Variants in ATP8A2 observed in about 807,000 individuals in gnomAD.
ATP8A2 encodes the protein ATPase phospholipid transporting 8A2, also known as phospholipid-transporting ATPase IB.
Under a neutral mutation model 165.6 loss-of-function variants are expected in ATP8A2, and 100 were observed. The ratio of observed to expected loss-of-function variants is 0.60; its 90% CI spans 0.51 to 0.71. ATP8A2 has a LOEUF of 0.71. Among genes scored for constraint, ATP8A2 ranks in the 30% least tolerant of loss-of-function variants. The pLI is 0.00. For synonymous variants in ATP8A2, 543 were observed against 548.8 expected, an observed-to-expected ratio of 0.99 and a Z score of 0.15; for missense variants, 1,227 against 1,479.5, an observed-to-expected ratio of 0.83 and a Z score of 2.80.
chr13:25,814,092 CAT>C (rs1950947041), intron 27 of ATP8A2, among the ~76,000 whole-genome samples: 1 of 74,840 alleles, frequency 1.3e-5, no homozygotes, highest in Non-Finnish European at 2.5e-5. Context: ...TGTGCTCACA[CAT>C]ACAGACACAC....
intron 35 of ATP8A2, among the ~76,000 whole-genome samples, chr13:25,979,008 A>G (rs1956123026): frequency 6.6e-6 from 1 of 151,130 alleles, no homozygotes; most frequent in East Asian, 2.0e-4. Flanking sequence ...TTTGCACACT[A>G]CAGCACAGAG....
intron 25 of ATP8A2, among the ~76,000 whole-genome samples, chr13:25,741,542 C>A (rs1193439537): frequency 6.6e-6 from 1 of 151,796 alleles, no homozygotes; most frequent in East Asian, 1.9e-4. Flanking sequence ...CCACCACACC[C>A]AGCTAATTTT....
At chr13:25,578,295 C>G (rs2039674154) in intron 20 of ATP8A2, among the ~76,000 whole-genome samples, 2 of 152,166 alleles carry the variant, frequency 1.3e-5, no homozygotes, top group South Asian at 4.1e-4. Context: ...GGGATCTGGT[C>G]CCCCAACCCT....
intron 4 of ATP8A2, among the ~76,000 whole-genome samples, chr13:25,532,046 T>C (rs544838409): frequency 6.6e-6 from 1 of 152,332 alleles, no homozygotes; most frequent in Admixed American, 6.5e-5. Context: ...AGTTTTGTAC[T>C]TCCAAGTGCT....
Position 25,853,394 on chromosome 13 carries a change from A to ATATATAT in ATP8A2, c.2957-6801_2957-6800insTATATAT, listed in dbSNP as rs1555278528. On this transcript the variant is annotated intron_variant, in intron 30 of 36. Coordinates refer to ENST00000381655, the MANE Select transcript of ATP8A2 (RefSeq NM_016529.6). ...TGACAGAGCAAGACTCTATCTAAAA[A>ATATATAT]AAATATATATATATATGTATATATA... Among the ~76,000 whole-genome samples the ATATATAT allele has an allele frequency of 8.4e-3, 97 of 11,612 alleles. 1 individual carries two copies. Among genetic ancestry groups the ATATATAT allele is most frequent in the African/African-American group, 0.011 (75 of 7,116 alleles). 7.6% of individuals were successfully genotyped at this position (11,612 alleles called of 152,430 possible).
intron 2 of ATP8A2, among the ~76,000 whole-genome samples, chr13:25,519,079 C>T (rs1355284947): frequency 6.6e-6 from 1 of 151,888 alleles, no homozygotes; most frequent in African/African-American, 2.4e-5. Context: ...AAATTGGGCT[C>T]TTTACTCTCC....
At chr13:25,418,481 T>A (rs917339401) in intron 1 of ATP8A2, among the ~76,000 whole-genome samples, 49 of 151,988 alleles carry the variant, frequency 3.2e-4, no homozygotes, top group African/African-American at 8.2e-4. Flanking sequence ...TATTTTTTTT[T>A]CCAAAAAGTT....
chr13:25,560,146 A>G (rs1278563645), intron 15 of ATP8A2, among the ~76,000 whole-genome samples: 3 of 152,084 alleles, frequency 2.0e-5, no homozygotes, highest in Non-Finnish European at 2.9e-5. Flanking sequence ...TTTTATTAGC[A>G]TTTCTCACCT....
chr13:25,863,300 C>G (rs1952408613), intron 33 of ATP8A2: 1 of 152,628 alleles, frequency 6.6e-6, no homozygotes, highest in African/African-American at 2.4e-5. Flanking sequence ...GTAATCTATT[C>G]TCTGGGCTCC....
intron 24 of ATP8A2, among the ~76,000 whole-genome samples, chr13:25,671,797 C>T (rs1256595395): frequency 6.6e-6 from 1 of 152,188 alleles, no homozygotes; most frequent in Non-Finnish European, 1.5e-5. Context: ...GCCCTGCCTC[C>T]ACTTGCCTTG....
At position 25,513,415 on chromosome 13, in the gene ATP8A2, G is replaced by A. The variant is rs543574252; in HGVS notation, c.222-16584G>A. Among the ~76,000 whole-genome samples the A allele has an allele frequency of 5.0e-3, 700 of 140,922 alleles. 2 individuals carry two copies. Among genetic ancestry groups the A allele is most frequent in the African/African-American group, 0.01 (400 of 39,722 alleles). The allele number at this position is 140,922 out of a possible 152,430, so 92.5% of individuals were successfully genotyped here. On this transcript the variant is annotated intron_variant, in intron 2 of 36. Coordinates refer to ENST00000381655, the MANE Select transcript of ATP8A2 (RefSeq NM_016529.6). ...TAGATGGGATGGCGGCCGGGAAGAG[G>A]CGCTCCTCACTTCCTAGATGTGATG...
intron 25 of ATP8A2, among the ~76,000 whole-genome samples, chr13:25,740,153 C>G (rs1209783093): frequency 2.0e-5 from 3 of 151,866 alleles, no homozygotes; most frequent in Non-Finnish European, 2.9e-5. Context: ...ATTCCAAATA[C>G]AAAAAATTAG....
intron 2 of ATP8A2, among the ~76,000 whole-genome samples, chr13:25,500,179 T>G (rs2036809937): frequency 6.6e-6 from 1 of 152,230 alleles, no homozygotes. Flanking sequence ...CTAAGATTCC[T>G]GTTTCCCTGG....
chr13:25,797,068 G>C lies in ATP8A2; in HGVS notation c.2679+22109G>C, dbSNP rs529129795. On this transcript the variant is annotated intron_variant, in intron 27 of 36. Coordinates refer to ENST00000381655, the MANE Select transcript of ATP8A2 (RefSeq NM_016529.6). The stretch of plus-strand genomic sequence containing the variant: ...AGATCACCTGAGGTCAGGAGTTTGA[G>C]ACCAGCCTGGCCAACATGGTGAAAC... Among the ~76,000 whole-genome samples the C allele has an allele frequency of 7.9e-5, 12 of 150,960 alleles. 1 individual carries two copies. The South Asian group carries it at 2.6e-3, about 32-fold the overall frequency.
At chr13:25,578,984 C>T in intron 21 of ATP8A2, 85 bp downstream of exon 21, 3 of 894,436 alleles carry the variant, frequency 3.4e-6, no homozygotes, top group African/African-American at 3.3e-5. Flanking sequence ...GCACATTCTT[C>T]CAGTGCCTGC....
chr13:25,770,261 C>T (rs1222905711), intron 26 of ATP8A2, among the ~76,000 whole-genome samples: 4 of 152,136 alleles, frequency 2.6e-5, no homozygotes, highest in East Asian at 1.9e-4. Context: ...CTGGAGGCTA[C>T]GAGATTCTGA....
At chr13:25,770,464 C>T (rs1270821169) in intron 26 of ATP8A2, among the ~76,000 whole-genome samples, 5 of 152,134 alleles carry the variant, frequency 3.3e-5, no homozygotes, top group African/African-American at 9.7e-5. Context: ...TCAGCATTCC[C>T]GGCTCACTGG....
chr13:25,581,893 G>A lies in ATP8A2; in HGVS notation c.2082G>A (p.Leu694=), dbSNP rs866445403. The A allele has an allele frequency of 1.2e-6, 2 of 1,613,700 alleles. No homozygotes were observed. Among genetic ancestry groups the A allele is most frequent in the East Asian group, 2.2e-5 (1 of 44,890 alleles). Residue 694 remains leucine (L), a synonymous_variant, in exon 23 of 37, where the codon CTG becomes CTA. Coordinates refer to ENST00000381655, the MANE Select transcript of ATP8A2 (RefSeq NM_016529.6). ...QAGVPETIAT[L]LKAEIKIWVL... ...GAGTTCCAGAAACCATCGCAACACT[G>A]TTGAAGGCAGAAATTAAAATATGGG...
At chr13:25,546,112 C>T (rs967945206) in intron 10 of ATP8A2, among the ~76,000 whole-genome samples, 2 of 151,838 alleles carry the variant, frequency 1.3e-5, no homozygotes, top group African/African-American at 4.8e-5. Flanking sequence ...CTAGAGCATA[C>T]ATTGGTAATA....
Sources: gnomAD v4.1 joint callset for allele counts (sites outside exome capture counted in the v4.1 genomes callset) on GRCh38, gnomAD v4.1.1 for gene constraint, MANE v1.5 for transcripts, NCBI Gene and HGNC (gene_info 2026-07-23, HGNC 2026-07-21) for gene names.